The following MAGI2 variants were observed in gnomAD, a reference collection of about 807,000 sequenced individuals.
MAGI2 encodes membrane-associated guanylate kinase, WW and PDZ domain-containing protein 2.
MAGI2 carries 35 observed loss-of-function variants against 133.3 expected under a neutral mutation model. That is an observed-to-expected ratio of 0.26 (90% CI 0.20 to 0.35). MAGI2 has a LOEUF of 0.35. MAGI2 is among the 10% of genes least tolerant of loss of function. The pLI, the probability that MAGI2 is intolerant of heterozygous loss-of-function variation, is 1.00. For synonymous variants in MAGI2, 729 were observed against 710.6 expected, an observed-to-expected ratio of 1.03 and a Z score of -0.41; for missense variants, 1,636 against 1,863.4, an observed-to-expected ratio of 0.88 and a Z score of 2.25.
At chr7:79,127,133 T>C (rs1820486782) in intron 1 of MAGI2, among the ~76,000 whole-genome samples, 1 of 152,192 alleles carries the variant, frequency 6.6e-6, no homozygotes, top group Non-Finnish European at 1.5e-5. Flanking sequence ...CATGAACTCA[T>C]CCTTTTTTAT....
intron 3 of MAGI2, among the ~76,000 whole-genome samples, chr7:78,577,684 C>A: frequency 6.8e-6 from 1 of 146,076 alleles, no homozygotes; most frequent in Non-Finnish European, 1.5e-5. Flanking sequence ...ACAAGGTACT[C>A]AGTGGGGGAG....
intron 1 of MAGI2, among the ~76,000 whole-genome samples, chr7:79,169,364 C>A (rs557711796): frequency 6.6e-6 from 1 of 152,202 alleles, no homozygotes; most frequent in East Asian, 1.9e-4. Context: ...AACTGATCTC[C>A]AAAATTACCA....
intron 1 of MAGI2, among the ~76,000 whole-genome samples, chr7:79,168,901 T>TAGATATATATAG (rs1316380067): frequency 3.4e-4 from 3 of 8,946 alleles, no homozygotes; most frequent in African/African-American, 5.6e-4. Flanking sequence ...TATATATATA[T>TAGATATATATAG]ATATATATAT....
At chr7:79,281,544 AAG>A (rs906132115) in intron 1 of MAGI2, among the ~76,000 whole-genome samples, 9 of 152,296 alleles carry the variant, frequency 5.9e-5, no homozygotes, top group African/African-American at 1.9e-4. Flanking sequence ...GAAGAAAAAA[AAG>A]AGAGGGCAAA....
At position 78,439,791 on chromosome 7, in the gene MAGI2, C is replaced by A. The variant is rs566745843; in HGVS notation, c.1045+49970G>T. Among the ~76,000 whole-genome samples, 6 of 152,186 alleles carry A rather than the reference C, an allele frequency of 3.9e-5. No individual in the cohort carries two copies. The South Asian group carries it at 1.2e-3, about 32-fold the overall frequency. On this transcript the variant is annotated intron_variant, in intron 6 of 21. Transcript: ENST00000354212. Reference sequence around the variant, plus strand: ...CTCACTGTGAGCAGGATAAATGTATCATCTTTTCTTTCTAAGCACCTTCTT... The same window carrying A: ...CTCACTGTGAGCAGGATAAATGTATAATCTTTTCTTTCTAAGCACCTTCTT...
chr7:78,332,854 T>C (rs1036013525), intron 9 of MAGI2, among the ~76,000 whole-genome samples: 2 of 152,146 alleles, frequency 1.3e-5, no homozygotes, highest in Non-Finnish European at 2.9e-5. Flanking sequence ...TTTTGAAAGT[T>C]AGGTGTGTTT....
At chr7:79,062,624 T>C (rs1002214305) in intron 1 of MAGI2, among the ~76,000 whole-genome samples, 3 of 152,178 alleles carry the variant, frequency 2.0e-5, no homozygotes, top group African/African-American at 7.2e-5. Context: ...GCTTTAAACA[T>C]AGTCTATTCA....
intron 2 of MAGI2, among the ~76,000 whole-genome samples, chr7:78,656,202 C>G (rs1278115259): frequency 6.6e-6 from 1 of 152,048 alleles, no homozygotes. Flanking sequence ...AACTGTGTTG[C>G]TTTAGGCAAG....
At chr7:79,291,421 TTA>T (rs1424966776) in intron 1 of MAGI2, among the ~76,000 whole-genome samples, 1 of 152,190 alleles carries the variant, frequency 6.6e-6, no homozygotes, top group Non-Finnish European at 1.5e-5. Context: ...ATTTCTTTTG[TTA>T]TATACCTAAG....
intron 1 of MAGI2, among the ~76,000 whole-genome samples, chr7:79,451,957 T>C (rs1563239455): frequency 6.6e-6 from 1 of 152,210 alleles, no homozygotes; most frequent in Non-Finnish European, 1.5e-5. Context: ...CACTCTTCTC[T>C]CCTTCTGCAC....
chr7:78,917,361 T>A (rs1798883288), intron 2 of MAGI2, among the ~76,000 whole-genome samples: 1 of 151,990 alleles, frequency 6.6e-6, no homozygotes, highest in Non-Finnish European at 1.5e-5. Context: ...ATTTCTGCCC[T>A]GGAGGAAGTG....
intron 21 of MAGI2, among the ~76,000 whole-genome samples, chr7:78,070,514 G>T (rs1324809838): frequency 6.9e-6 from 1 of 144,462 alleles, no homozygotes; most frequent in Non-Finnish European, 1.5e-5. Context: ...ATATATATGT[G>T]TGTATATATG....
chr7:78,534,447 GTA>G (rs1188953672), intron 3 of MAGI2, among the ~76,000 whole-genome samples: 3 of 152,186 alleles, frequency 2.0e-5, no homozygotes, highest in African/African-American at 7.2e-5. Flanking sequence ...ATATGGAAAT[GTA>G]TATATGTGTG....
At chr7:78,603,290 T>A (rs1805408619) in intron 3 of MAGI2, among the ~76,000 whole-genome samples, 1 of 152,198 alleles carries the variant, frequency 6.6e-6, no homozygotes, top group Non-Finnish European at 1.5e-5. Context: ...AAGGAGGAAG[T>A]AATGAGAGGA....
chr7:78,761,744 C>T (rs1824534581), intron 2 of MAGI2, among the ~76,000 whole-genome samples: 1 of 152,082 alleles, frequency 6.6e-6, no homozygotes, highest in African/African-American at 2.4e-5. Context: ...AGGTGTGAGC[C>T]ATCATGCCTC....
chr7:78,905,676 C>G (rs887009747), intron 2 of MAGI2, among the ~76,000 whole-genome samples: 4 of 152,122 alleles, frequency 2.6e-5, no homozygotes, highest in Non-Finnish European at 5.9e-5. Flanking sequence ...GATAGATGGT[C>G]TTCTGGTTGT....
intron 5 of MAGI2, among the ~76,000 whole-genome samples, chr7:78,495,399 C>T (rs1793997791): frequency 6.6e-6 from 1 of 152,062 alleles, no homozygotes; most frequent in Non-Finnish European, 1.5e-5. Flanking sequence ...TGCTGAAAAA[C>T]ATTAATTTTT....
intron 3 of MAGI2, among the ~76,000 whole-genome samples, chr7:78,557,769 C>A (rs1799978340): frequency 6.6e-6 from 1 of 152,150 alleles, no homozygotes; most frequent in Non-Finnish European, 1.5e-5. Flanking sequence ...TTTTTCTCCT[C>A]TTAAAAATTA....
intron 2 of MAGI2, among the ~76,000 whole-genome samples, chr7:79,004,036 A>G (rs1807171245): frequency 6.6e-6 from 1 of 152,228 alleles, no homozygotes; most frequent in African/African-American, 2.4e-5. Flanking sequence ...TAGGGAAAAC[A>G]TATGAAGATT....
Sources: gnomAD v4.1 joint callset for allele counts (sites outside exome capture counted in the v4.1 genomes callset) on GRCh38, gnomAD v4.1.1 for gene constraint, MANE v1.5 for transcripts, NCBI Gene and HGNC (gene_info 2026-07-23, HGNC 2026-07-21) for gene names.